The following PRKN variants were observed in gnomAD, a reference collection of about 807,000 sequenced individuals.
PRKN encodes the protein parkin RBR E3 ubiquitin protein ligase.
PRKN carries 56 observed loss-of-function variants against 59.5 expected under a neutral mutation model. The ratio of observed to expected loss-of-function variants is 0.94; its 90% CI spans 0.76 to 1.18. The LOEUF is 1.18. Ranked by LOEUF, PRKN falls within the 50% of genes most tolerant of loss-of-function variation. PRKN has a pLI of 0.00. For missense variants in PRKN, 657 were observed against 596.4 expected (o/e 1.10, Z -1.06); for synonymous variants, 250 against 222.1 (o/e 1.13, Z -1.12).
chr6:162,415,855 A>C (rs368532772), intron 2 of PRKN, among the ~76,000 whole-genome samples: 32 of 152,288 alleles, frequency 2.1e-4, no homozygotes, highest in African/African-American at 5.1e-4. Flanking sequence ...AAAGAAATGT[A>C]TTTTTAGAAT....
intron 2 of PRKN, among the ~76,000 whole-genome samples, chr6:162,405,714 C>T (rs557048035): frequency 6.6e-6 from 1 of 152,136 alleles, no homozygotes; most frequent in African/African-American, 2.4e-5. Flanking sequence ...GAGATACTGG[C>T]GTTGCAGGAG....
intron 1 of PRKN, among the ~76,000 whole-genome samples, chr6:162,446,712 G>A (rs1790332756): frequency 6.6e-6 from 1 of 152,162 alleles, no homozygotes; most frequent in Non-Finnish European, 1.5e-5. Flanking sequence ...AACTCACTGA[G>A]TTCATAATCA....
intron 6 of PRKN, among the ~76,000 whole-genome samples, chr6:161,846,011 TAA>T (rs1210791669): frequency 6.6e-6 from 1 of 152,188 alleles, no homozygotes; most frequent in African/African-American, 2.4e-5. Context: ...TAGTGGATTT[TAA>T]AAGTCTTTTG....
chr6:161,363,522 A>G lies in PRKN; in HGVS notation c.1168-3317T>C, dbSNP rs1208808654. On this transcript the variant is annotated intron_variant, in intron 10 of 11. Coordinates refer to ENST00000366898, the MANE Select transcript of PRKN (RefSeq NM_004562.3). This position sits in a 1 kb window ranked among gnomAD's most constrained non-coding sequence, Gnocchi z 4.1. ...TACATAAAATGCCAAGAAGTAAAAA[A>G]TATGAAAAGGAGATTAAGAGATGGG... Among the ~76,000 whole-genome samples, 2 of 152,208 alleles carry G rather than the reference A, an allele frequency of 1.3e-5. No individual in the cohort carries two copies. The highest frequency in any genetic ancestry group is 2.9e-5 in the Non-Finnish European group (2 of 68,034).
intron 7 of PRKN, among the ~76,000 whole-genome samples, chr6:161,693,033 C>T (rs182756278): frequency 6.6e-6 from 1 of 150,680 alleles, no homozygotes; most frequent in Admixed American, 6.6e-5. Context: ...ATTTTGGGTT[C>T]TTGATTTTAA....
At chr6:162,596,082 T>C (rs1781485755) in intron 1 of PRKN, among the ~76,000 whole-genome samples, 1 of 151,974 alleles carries the variant, frequency 6.6e-6, no homozygotes, top group African/African-American at 2.4e-5. Context: ...TACAAAGATA[T>C]CAAGAAGTCA....
intron 1 of PRKN, among the ~76,000 whole-genome samples, chr6:162,566,828 A>C (rs1266823463): frequency 6.6e-6 from 1 of 152,180 alleles, no homozygotes; most frequent in Non-Finnish European, 1.5e-5. Flanking sequence ...ACACATCAAA[A>C]AAAGAAAACT....
At chr6:162,075,884 C>T (rs1221755879) in intron 4 of PRKN, among the ~76,000 whole-genome samples, 5 of 151,930 alleles carry the variant, frequency 3.3e-5, no homozygotes, top group Non-Finnish European at 5.9e-5. Context: ...TTTCACTGAA[C>T]CGTACACATT....
chr6:162,048,894 C>G (rs1777502989), intron 5 of PRKN, among the ~76,000 whole-genome samples: 1 of 152,108 alleles, frequency 6.6e-6, no homozygotes, highest in Non-Finnish European at 1.5e-5. Context: ...ATGCCATATC[C>G]AAAGTTGAGT....
chr6:161,952,103 G>A (rs762508065), intron 6 of PRKN, among the ~76,000 whole-genome samples: 10 of 152,112 alleles, frequency 6.6e-5, no homozygotes, highest in South Asian at 2.1e-4. Flanking sequence ...TGAAAATGGC[G>A]TTCAATTTAA....
rs78164761 is a variant in PRKN at position 162,374,176 on chromosome 6, G to T, written c.171+69134C>A. Among the ~76,000 whole-genome samples, 1,251 of 152,250 alleles carry T rather than the reference G, an allele frequency of 8.2e-3. 18 individuals are homozygous for T. Among genetic ancestry groups the T allele is most frequent in the African/African-American group, 0.028 (1,171 of 41,570 alleles). On this transcript the variant is annotated intron_variant, in intron 2 of 11. Transcript: ENST00000366898. ...TTTATGGTCAACCTCCAAAAATCAT[G>T]AGGGGTTAACCAAAACTCTAGGCAC...
chr6:162,036,255 C>T (rs540989466), intron 5 of PRKN, among the ~76,000 whole-genome samples: 2 of 151,590 alleles, frequency 1.3e-5, no homozygotes, highest in African/African-American at 2.4e-5. Context: ...ACCCGGGAGG[C>T]GGAGCTTGCA....
intron 5 of PRKN, among the ~76,000 whole-genome samples, chr6:162,010,213 T>G (rs942941521): frequency 2.9e-5 from 4 of 136,388 alleles, no homozygotes; most frequent in Non-Finnish European, 6.1e-5. Context: ...ATATATATAT[T>G]ATATATACAT....
chr6:161,690,900 C>A (rs1469250635), intron 7 of PRKN, among the ~76,000 whole-genome samples: 2 of 152,174 alleles, frequency 1.3e-5, no homozygotes, highest in Non-Finnish European at 2.9e-5. Context: ...AACGCAAGAA[C>A]CAATTTCTCA....
At position 162,390,396 on chromosome 6, in the gene PRKN, T is replaced by TATATATATATATATATATACACAC. The variant is rs1180636201; in HGVS notation, c.171+52913_171+52914insGTGTGTATATATATATATATATAT. On this transcript the variant is annotated intron_variant, in intron 2 of 11. Coordinates refer to ENST00000366898, the MANE Select transcript of PRKN (RefSeq NM_004562.3). Reference sequence around the variant, plus strand: ...TAAGGTATATATATATATATATATATACACACACACACACACACACACACA... The same window carrying TATATATATATATATATATACACAC: ...TAAGGTATATATATATATATATATATATATATATATATATATATACACACACACACACACACACACACACACACA... Among the ~76,000 whole-genome samples the TATATATATATATATATATACACAC allele has an allele frequency of 2.0e-3, 169 of 84,020 alleles. 1 individual carries two copies. Among genetic ancestry groups the TATATATATATATATATATACACAC allele is most frequent in the Middle Eastern group, 5.0e-3 (1 of 200 alleles). 55.1% of individuals were successfully genotyped at this position (84,020 alleles called of 152,430 possible). A position where few individuals can be genotyped will look rare whatever the true frequency, so the allele number is the denominator to read the frequency against.
At chr6:162,032,133 G>A (rs752544989) in intron 5 of PRKN, among the ~76,000 whole-genome samples, 4 of 152,082 alleles carry the variant, frequency 2.6e-5, no homozygotes, top group Non-Finnish European at 5.9e-5. Context: ...CACAAGCAGC[G>A]CAGAGTTTCT....
intron 1 of PRKN, among the ~76,000 whole-genome samples, chr6:162,608,513 G>C (rs1218724490): frequency 6.6e-6 from 1 of 152,186 alleles, no homozygotes; most frequent in Admixed American, 6.5e-5. Context: ...AAGAAAGAAT[G>C]TGGTGATGAC....
At chr6:162,069,811 T>C (rs1245233258) in intron 4 of PRKN, among the ~76,000 whole-genome samples, 1 of 152,200 alleles carries the variant, frequency 6.6e-6, no homozygotes, top group Non-Finnish European at 1.5e-5. Flanking sequence ...AGACACCTAA[T>C]CTAGTTCTTA....
chr6:161,770,603 G>T (rs1229121897), intron 7 of PRKN, among the ~76,000 whole-genome samples: 1 of 152,064 alleles, frequency 6.6e-6, no homozygotes, highest in Non-Finnish European at 1.5e-5. Flanking sequence ...GAGTAGCTGG[G>T]ATTACAGGCG....
Sources: gnomAD v4.1 joint callset for allele counts (sites outside exome capture counted in the v4.1 genomes callset) on GRCh38, gnomAD v4.1.1 for gene constraint, Gnocchi (gnomAD v3.1) non-coding constraint, MANE v1.5 for transcripts, NCBI Gene and HGNC (gene_info 2026-07-23, HGNC 2026-07-21) for gene names.